Variants in ENTREP2 observed in about 807,000 individuals in gnomAD.
The protein encoded by ENTREP2 is endosomal transmembrane epsin interactor 2, also known as protein ENTREP2.
At chr15:29,592,435 G>A in the ENTREP2 span, among the ~76,000 whole-genome samples, 52 of 152,174 alleles carry the variant, frequency 3.4e-4, no homozygotes, top group African/African-American at 1.2e-3. Context: ...ATCTGATGAG[G>A]GCCTTCTTAC....
chr15:29,273,849 G>C, the ENTREP2 span, among the ~76,000 whole-genome samples: 1 of 152,140 alleles, frequency 6.6e-6, no homozygotes, highest in Non-Finnish European at 1.5e-5. Context: ...TTTGCCAGGG[G>C]TTCAAGGGTC....
the ENTREP2 span, among the ~76,000 whole-genome samples, chr15:29,237,223 T>G: frequency 6.6e-6 from 1 of 152,224 alleles, no homozygotes; most frequent in Non-Finnish European, 1.5e-5. Flanking sequence ...TTTTGAAAGT[T>G]CTTCATATAT....
the ENTREP2 span, among the ~76,000 whole-genome samples, chr15:29,262,801 T>G: frequency 1.3e-5 from 2 of 152,252 alleles, no homozygotes; most frequent in South Asian, 4.1e-4. Context: ...GACTTGTGAC[T>G]AGTGTCCTGA....
chr15:29,300,417 G>A, the ENTREP2 span, among the ~76,000 whole-genome samples: 1 of 150,078 alleles, frequency 6.7e-6, no homozygotes, highest in African/African-American at 2.5e-5. Context: ...ATGGATGGAT[G>A]GATGGATGGA....
At chr15:29,150,665 G>A in the ENTREP2 span, among the ~76,000 whole-genome samples, 6 of 152,254 alleles carry the variant, frequency 3.9e-5, 1 homozygote, top group Middle Eastern at 3.4e-3. Context: ...GATATACACC[G>A]GGAGGGAGAG....
At chr15:29,439,112 C>A in the ENTREP2 span, among the ~76,000 whole-genome samples, 1 of 152,112 alleles carries the variant, frequency 6.6e-6, no homozygotes, top group Non-Finnish European at 1.5e-5. Flanking sequence ...AGGAGCTCAA[C>A]TAGCACCCTG....
the ENTREP2 span, among the ~76,000 whole-genome samples, chr15:29,310,786 A>G: frequency 6.6e-6 from 1 of 152,236 alleles, no homozygotes; most frequent in Non-Finnish European, 1.5e-5. Context: ...CAAGAACTTC[A>G]TGGAACCTAA....
the ENTREP2 span, among the ~76,000 whole-genome samples, chr15:29,118,896 G>C: frequency 5.3e-5 from 8 of 152,188 alleles, no homozygotes; most frequent in Non-Finnish European, 8.8e-5. Flanking sequence ...GTGGCCTGGG[G>C]TCCAGCTGGG....
the ENTREP2 span, among the ~76,000 whole-genome samples, chr15:29,127,299 C>G: frequency 6.6e-6 from 1 of 152,276 alleles, no homozygotes; most frequent in East Asian, 1.9e-4. Flanking sequence ...CTCCCATCAC[C>G]AGGTGCCCTC....
At chr15:29,126,341 G>T in the ENTREP2 span, 1 of 1,534,292 alleles carries the variant, frequency 6.5e-7, no homozygotes, top group African/African-American at 1.4e-5. Context: ...CTGCACCTGT[G>T]AGCCCATGCC....
chr15:29,661,223 C>T, the ENTREP2 span, among the ~76,000 whole-genome samples: 7 of 152,220 alleles, frequency 4.6e-5, no homozygotes, highest in African/African-American at 9.6e-5. Flanking sequence ...TCTTTTGAGA[C>T]GGACTCTCAC....
chr15:29,451,002 G>T, the ENTREP2 span, among the ~76,000 whole-genome samples: 1 of 151,898 alleles, frequency 6.6e-6, no homozygotes, highest in Admixed American at 6.6e-5. Context: ...AAAACTGTTG[G>T]GTACTATGCT....
the ENTREP2 span, among the ~76,000 whole-genome samples, chr15:29,520,807 A>T: frequency 1.3e-5 from 2 of 152,204 alleles, no homozygotes; most frequent in Admixed American, 1.3e-4. Context: ...TAAAAACAAT[A>T]CCATTTACAA....
the ENTREP2 span, among the ~76,000 whole-genome samples, chr15:29,585,575 G>A: frequency 2.0e-5 from 3 of 152,174 alleles, no homozygotes; most frequent in Non-Finnish European, 4.4e-5. Flanking sequence ...CACAACCACA[G>A]GCCGGGCGCG....
chr15:29,624,866 TTAA>T, the ENTREP2 span, among the ~76,000 whole-genome samples: 3 of 143,672 alleles, frequency 2.1e-5, no homozygotes, highest in Non-Finnish European at 3.0e-5. Context: ...TTACCCTGCA[TTAA>T]TTTGTGTGTG....
At chr15:29,255,487 C>T in the ENTREP2 span, among the ~76,000 whole-genome samples, 9 of 152,200 alleles carry the variant, frequency 5.9e-5, no homozygotes, top group East Asian at 1.2e-3. Flanking sequence ...AAAAGCAGAA[C>T]GACCATTCGA....
chr15:29,396,126 A>G, the ENTREP2 span, among the ~76,000 whole-genome samples: 2 of 152,210 alleles, frequency 1.3e-5, no homozygotes, highest in Non-Finnish European at 2.9e-5. Context: ...ATAAGAACAT[A>G]TGAAGTCTCT....
the ENTREP2 span, among the ~76,000 whole-genome samples, chr15:29,552,434 T>C: frequency 6.6e-6 from 1 of 151,424 alleles, no homozygotes; most frequent in Non-Finnish European, 1.5e-5. Context: ...ACGCACACAC[T>C]CAAATAACAA....
At chr15:29,299,930 T>C in the ENTREP2 span, among the ~76,000 whole-genome samples, 1 of 107,360 alleles carries the variant, frequency 9.3e-6, no homozygotes, top group Non-Finnish European at 1.7e-5. Flanking sequence ...AATGGATGAG[T>C]AGGTGGGTGG....
Sources: allele counts gnomAD v4.1 joint callset (sites outside exome capture counted in the v4.1 genomes callset), GRCh38; gene constraint gnomAD v4.1.1; transcripts MANE v1.5; gene names NCBI Gene and HGNC (gene_info 2026-07-23, HGNC 2026-07-21).